The following SCAND3 variants were observed in gnomAD, a reference collection of about 807,000 sequenced individuals.
SCAND3 encodes SCAN domain containing 3.
chr6:28,601,811 G>T, the SCAND3 span, among the ~76,000 whole-genome samples: 5 of 152,140 alleles, frequency 3.3e-5, no homozygotes, highest in African/African-American at 1.2e-4. Flanking sequence ...GGATCACTGC[G>T]CCCAGGCAGA....
the SCAND3 span, chr6:28,575,509 A>G: frequency 6.2e-7 from 1 of 1,613,844 alleles, no homozygotes; most frequent in Non-Finnish European, 8.5e-7. The surrounding 1 kb of genome is among the most constrained non-coding windows in gnomAD (Gnocchi z 4.2). Flanking sequence ...CTTTGTACAG[A>G]GATCTTGATA....
chr6:28,579,277 T>A, the SCAND3 span: 7 of 1,613,248 alleles, frequency 4.3e-6, no homozygotes, highest in Non-Finnish European at 5.9e-6. The surrounding 1 kb of genome is among the most constrained non-coding windows in gnomAD (Gnocchi z 4.5). Context: ...CTCACCATTA[T>A]CTTGAAGTGG....
the SCAND3 span, chr6:28,573,670 G>A: frequency 6.2e-7 from 1 of 1,611,696 alleles, no homozygotes; most frequent in Non-Finnish European, 8.5e-7. Flanking sequence ...CTCAATATAT[G>A]AAGGATCATA....
At chr6:28,581,375 T>C in the SCAND3 span, among the ~76,000 whole-genome samples, 1 of 152,120 alleles carries the variant, frequency 6.6e-6, no homozygotes, top group Non-Finnish European at 1.5e-5. Flanking sequence ...AAACTTTTGG[T>C]TGTAATATGG....
the SCAND3 span, among the ~76,000 whole-genome samples, chr6:28,612,731 C>G: frequency 3.7e-4 from 56 of 152,274 alleles, no homozygotes; most frequent in African/African-American, 4.3e-4. Flanking sequence ...TTAAGTTTGT[C>G]CACTATATAC....
chr6:28,588,383 T>A, the SCAND3 span, among the ~76,000 whole-genome samples: 2 of 152,056 alleles, frequency 1.3e-5, no homozygotes, highest in Non-Finnish European at 2.9e-5. The surrounding 1 kb of genome is among the most constrained non-coding windows in gnomAD (Gnocchi z 4.1). Flanking sequence ...TAAGCATGAC[T>A]TCTAAGTCCT....
the SCAND3 span, among the ~76,000 whole-genome samples, chr6:28,582,789 C>T: frequency 3.2e-4 from 48 of 151,984 alleles, no homozygotes; most frequent in East Asian, 7.6e-3. This position sits in a 1 kb window ranked among gnomAD's most constrained non-coding sequence, Gnocchi z 4.8. Context: ...GGCGTGGTGG[C>T]GCTTGCCTGT....
chr6:28,580,366 A>C, the SCAND3 span, among the ~76,000 whole-genome samples: 1 of 151,968 alleles, frequency 6.6e-6, no homozygotes. Flanking sequence ...AGGCAGGAGG[A>C]TCATTTGAAC....
chr6:28,575,598 C>T, the SCAND3 span: 3 of 1,614,036 alleles, frequency 1.9e-6, no homozygotes, highest in Non-Finnish European at 1.7e-6. The surrounding 1 kb of genome is among the most constrained non-coding windows in gnomAD (Gnocchi z 4.2). Flanking sequence ...AACTAACTTC[C>T]TTAATTGATT....
chr6:28,596,924 CTTG>C, the SCAND3 span, among the ~76,000 whole-genome samples: 3 of 152,162 alleles, frequency 2.0e-5, no homozygotes, highest in South Asian at 2.1e-4. Flanking sequence ...GTATCAATAA[CTTG>C]TTGTACATAT....
At chr6:28,592,220 A>T in the SCAND3 span, among the ~76,000 whole-genome samples, 2 of 152,228 alleles carry the variant, frequency 1.3e-5, no homozygotes, top group African/African-American at 4.8e-5. This position sits in a 1 kb window ranked among gnomAD's most constrained non-coding sequence, Gnocchi z 4.1. Context: ...GAAAAGTTAG[A>T]ACTGATAAAT....
At chr6:28,610,843 A>C in the SCAND3 span, among the ~76,000 whole-genome samples, 2 of 152,196 alleles carry the variant, frequency 1.3e-5, no homozygotes, top group Non-Finnish European at 2.9e-5. Context: ...TTTTTTTGGG[A>C]CAAAAATTTT....
At chr6:28,609,369 C>A in the SCAND3 span, among the ~76,000 whole-genome samples, 1 of 152,042 alleles carries the variant, frequency 6.6e-6, no homozygotes, top group Non-Finnish European at 1.5e-5. Context: ...CCATATTCAA[C>A]CTTTGGAGGT....
At chr6:28,593,736 G>C in the SCAND3 span, 1 of 152,188 alleles carries the variant, frequency 6.6e-6, no homozygotes, top group Non-Finnish European at 1.5e-5. Context: ...GACCGAGCCT[G>C]GCTCTGTCGC....
chr6:28,603,356 C>T, the SCAND3 span, among the ~76,000 whole-genome samples: 203 of 152,316 alleles, frequency 1.3e-3, 1 homozygote, highest in African/African-American at 4.4e-3. Context: ...TATTTCAACA[C>T]TTCCAAAATA....
At chr6:28,575,486 G>A in the SCAND3 span, 21 of 1,613,582 alleles carry the variant, frequency 1.3e-5, no homozygotes, top group Middle Eastern at 1.7e-4. This position sits in a 1 kb window ranked among gnomAD's most constrained non-coding sequence, Gnocchi z 4.2. Flanking sequence ...TTTAATGACC[G>A]CAAAAAAGTT....
At chr6:28,611,515 G>T in the SCAND3 span, among the ~76,000 whole-genome samples, 2 of 152,154 alleles carry the variant, frequency 1.3e-5, no homozygotes, top group Non-Finnish European at 1.5e-5. Flanking sequence ...TTGAGCAAAA[G>T]GACTTGCATT....
At chr6:28,600,114 T>C in the SCAND3 span, among the ~76,000 whole-genome samples, 1 of 151,892 alleles carries the variant, frequency 6.6e-6, no homozygotes, top group East Asian at 1.9e-4. Context: ...AAGCAAAACA[T>C]CTGGAAAAAA....
chr6:28,596,989 T>C, the SCAND3 span, among the ~76,000 whole-genome samples: 1 of 152,238 alleles, frequency 6.6e-6, no homozygotes, highest in East Asian at 1.9e-4. Flanking sequence ...AATATTTTTC[T>C]ATAGCCCTCA....
Sources: allele counts gnomAD v4.1 joint callset (sites outside exome capture counted in the v4.1 genomes callset), GRCh38; gene constraint gnomAD v4.1.1; non-coding constraint Gnocchi (gnomAD v3.1); transcripts MANE v1.5; gene names NCBI Gene and HGNC (gene_info 2026-07-23, HGNC 2026-07-21).